The following LARP7 variants were observed in gnomAD, a reference collection of about 807,000 sequenced individuals.
The protein encoded by LARP7 is La ribonucleoprotein 7, transcriptional regulator.
In LARP7, 52 loss-of-function variants were observed where a neutral mutation model predicts 69.3. That is an observed-to-expected ratio of 0.75 (90% CI 0.60 to 0.95). The LOEUF is 0.95. Ranked by LOEUF, LARP7 falls within the 40% of genes least tolerant of loss-of-function variation. The probability of loss-of-function intolerance (pLI) is 0.00; values close to 1 mark genes in which losing one functional copy is unlikely to be tolerated. For missense variants in LARP7, 733 were observed against 673.0 expected, an observed-to-expected ratio of 1.09 and a Z score of -0.99; for synonymous variants, 254 against 215.9, an observed-to-expected ratio of 1.18 and a Z score of -1.55.
intron 1 of LARP7, among the ~76,000 whole-genome samples, chr4:112,642,123 C>T (rs1424172447): frequency 6.6e-6 from 1 of 152,178 alleles, no homozygotes; most frequent in East Asian, 1.9e-4. Flanking sequence ...GAGGGAGTTA[C>T]CAACTGCATT....
At chr4:112,644,084 A>G (rs1269435254) in intron 1 of LARP7, among the ~76,000 whole-genome samples, 2 of 151,786 alleles carry the variant, frequency 1.3e-5, no homozygotes, top group Non-Finnish European at 2.9e-5. Flanking sequence ...CCTACTACAA[A>G]TACAAAAATT....
chr4:112,648,556 G>T (rs775158555), intron 8 of LARP7: 1 of 523,672 alleles, frequency 1.9e-6, no homozygotes, highest in Non-Finnish European at 3.9e-6. Context: ...GTTGAAGGGA[G>T]CCCACCCAAC....
intron 8 of LARP7, chr4:112,648,228 A>G (rs756793908): frequency 5.6e-6 from 3 of 532,896 alleles, no homozygotes; most frequent in South Asian, 4.2e-5. Flanking sequence ...TTTCAAAGCA[A>G]GTACATCCAC....
At chr4:112,645,532 G>A (rs998955245) in intron 2 of LARP7, 1 of 456,090 alleles carries the variant, frequency 2.2e-6, no homozygotes, top group Non-Finnish European at 4.4e-6. Flanking sequence ...TTGAGGCAAG[G>A]TCTATCTTTT....
intron 3 of LARP7, 68 bp downstream of exon 3, chr4:112,646,519 T>C: frequency 7.9e-7 from 1 of 1,261,360 alleles, no homozygotes. Context: ...AACGTAATGA[T>C]TATTATATGA....
Position 112,649,584 on chromosome 4 carries a change from A to C in LARP7, c.1192A>C (p.Ser398Arg), listed in dbSNP as rs2048607892. The change falls in exon 9 of 13, where the codon AGC becomes CGC. Residue 398 changes from serine (S) to arginine (R), a missense_variant. Ser to Arg is a moderately radical substitution (Grantham distance 110, BLOSUM62 -1). Coordinates refer to ENST00000344442, the MANE Select transcript of LARP7 (RefSeq NM_016648.4). ...AGAGTATTTAGCGCTACAAAAAGCT[A>C]GCATGGCTTCTTTAAAAAAAACAAT... is the stretch of plus-strand genomic sequence containing the variant. ...KKEYLALQKA[S>R]MASLKKTISQ... 1 of 1,607,904 alleles carries C rather than the reference A, an allele frequency of 6.2e-7. No individual in the cohort carries two copies. The highest frequency in any genetic ancestry group is 8.5e-7 in the Non-Finnish European group (1 of 1,176,706).
chr4:112,649,726 T>A lies in LARP7; in HGVS notation c.1294+40T>A, dbSNP rs1187979043. 4 of 1,353,598 alleles carry A rather than the reference T, an allele frequency of 3.0e-6. No homozygotes were observed. The African/African-American group carries it at 5.9e-5, about 20-fold the overall frequency. 83.8% of individuals were successfully genotyped at this position (1,353,598 alleles called of 1,614,324 possible). A position where few individuals can be genotyped will look rare whatever the true frequency, so the allele number is the denominator to read the frequency against. On this transcript the variant is annotated intron_variant, in intron 9 of 12. Coordinates refer to ENST00000344442, the MANE Select transcript of LARP7 (RefSeq NM_016648.4). ...TAGTTTTGACAACATTATAATGTACTTATATATGTAAATGCTATCTCTGAG... is the reference window on the plus strand; with the variant it reads ...TAGTTTTGACAACATTATAATGTACATATATATGTAAATGCTATCTCTGAG...
At chr4:112,654,926 TC>T (rs2048894619) in intron 12 of LARP7, among the ~76,000 whole-genome samples, 1 of 151,982 alleles carries the variant, frequency 6.6e-6, no homozygotes, top group Non-Finnish European at 1.5e-5. Context: ...AAGATGAACT[TC>T]CTTTTTTGTT....
At chr4:112,656,370 C>T (rs2048954925) in intron 12 of LARP7, among the ~76,000 whole-genome samples, 1 of 152,102 alleles carries the variant, frequency 6.6e-6, no homozygotes, top group South Asian at 2.1e-4. Context: ...TGCACCACAG[C>T]CTGGGCAACA....
chr4:112,649,541 A>G lies in LARP7; in HGVS notation c.1149A>G (p.Glu383=). 1 of 1,597,476 alleles carries G rather than the reference A, an allele frequency of 6.3e-7. No individual in the cohort carries two copies. Among genetic ancestry groups the G allele is most frequent in the South Asian group, 1.1e-5 (1 of 88,504 alleles). The change falls in exon 9 of 13, where the codon GAA becomes GAG. Residue 383 remains glutamate (E), a synonymous_variant. Coordinates refer to ENST00000344442, the MANE Select transcript of LARP7 (RefSeq NM_016648.4). ...ACCATTTCTTTCCTTGTAGGAGCGA[A>G]TGGATGGATTTGAAAAAAGAGTATT... The part of the protein sequence containing the change: ...VIPLRVLSKS[E]WMDLKKEYLA...
intron 3 of LARP7, 58 bp from the exon 4 acceptor site, chr4:112,646,530 T>C: frequency 2.4e-6 from 3 of 1,274,586 alleles, no homozygotes; most frequent in Non-Finnish European, 3.3e-6. Context: ...TATTATATGA[T>C]TATAGCTTAC....
chr4:112,652,306 C>T (rs892372265), intron 10 of LARP7, among the ~76,000 whole-genome samples: 2 of 132,316 alleles, frequency 1.5e-5, no homozygotes, highest in African/African-American at 5.7e-5. Flanking sequence ...CCCCCCCCCC[C>T]ATTTAGCAAT....
Position 112,650,582 on chromosome 4 carries a change from G to A in LARP7, c.1416G>A (p.Arg472=), listed in dbSNP as rs2048681536. The change falls in exon 10 of 13, where the codon CGG becomes CGA. Residue 472 remains arginine, a splice_region_variant and synonymous_variant. Coordinates refer to ENST00000344442, the MANE Select transcript of LARP7 (RefSeq NM_016648.4). ...TEPLPGRKQV[R]DTLAAISEVL... ...CTCTACCTGGCAGGAAACAAGTCCGGGTAATGATTTTGAGCCCCTAGGGTA... is the reference window on the plus strand; with the variant it reads ...CTCTACCTGGCAGGAAACAAGTCCGAGTAATGATTTTGAGCCCCTAGGGTA... 1 of 1,611,912 alleles carries A rather than the reference G, an allele frequency of 6.2e-7. No individual in the cohort carries two copies. The highest frequency in any genetic ancestry group is 1.3e-5 in the African/African-American group (1 of 74,906).
Position 112,647,267 on chromosome 4 carries a change from G to A in LARP7, c.715G>A (p.Glu239Lys), listed in dbSNP as rs1330670821. The A allele has an allele frequency of 6.2e-7, 1 of 1,612,410 alleles. No individual in the cohort carries two copies. Among genetic ancestry groups the A allele is most frequent in the Non-Finnish European group, 8.5e-7 (1 of 1,179,728 alleles). ...KKEDNIQAKE[E>K]NMDTSNTSIS... ...GGAAGACAATATCCAAGCCAAAGAA[G>A]AAAACATGGACACAAGCAACACCAG... is the stretch of plus-strand genomic sequence containing the variant. The change falls in exon 7 of 13, where the codon GAA (glutamate) becomes AAA (lysine). Residue 239 changes from glutamate (E) to lysine (K), a missense_variant. Physicochemically the swap from Glu to Lys is moderately conservative, Grantham distance 56. Transcript: ENST00000344442.
chr4:112,644,527 T>C, intron 1 of LARP7, 141 bp from the exon 2 acceptor site: 2 of 1,053,372 alleles, frequency 1.9e-6, no homozygotes, highest in Non-Finnish European at 2.6e-6. Context: ...AATATAAAAA[T>C]GAATGTTCTT....
chr4:112,648,276 G>A (rs774640335), intron 8 of LARP7: 2 of 528,370 alleles, frequency 3.8e-6, no homozygotes, highest in Non-Finnish European at 7.8e-6. Context: ...GAAAAAGTTA[G>A]AATCCTTTAA....
intron 2 of LARP7, chr4:112,645,732 G>T (rs115132580): frequency 2.5e-6 from 1 of 397,480 alleles, no homozygotes; most frequent in South Asian, 1.8e-5. Context: ...ATGTTGCCCA[G>T]GCTGGTCTTG....
At chr4:112,643,325 A>G (rs1487653021) in intron 1 of LARP7, among the ~76,000 whole-genome samples, 1 of 152,234 alleles carries the variant, frequency 6.6e-6, no homozygotes, top group African/African-American at 2.4e-5. Flanking sequence ...TTAAATAAAC[A>G]CTTGAAGTAG....
chr4:112,648,054 T>C (rs747735950), intron 8 of LARP7: 1 of 643,574 alleles, frequency 1.6e-6, no homozygotes, highest in African/African-American at 1.8e-5. Flanking sequence ...AGCAAGTGCC[T>C]CCATGTTAAA....
Sources: allele counts gnomAD v4.1 joint callset (sites outside exome capture counted in the v4.1 genomes callset), GRCh38; gene constraint gnomAD v4.1.1; transcripts MANE v1.5; gene names NCBI Gene and HGNC (gene_info 2026-07-23, HGNC 2026-07-21).